The following LAMC1 variants were observed in gnomAD, a reference collection of about 807,000 sequenced individuals.
LAMC1 encodes the protein laminin subunit gamma-1.
LAMC1 carries 38 observed loss-of-function variants against 173.6 expected under a neutral mutation model. The observed-to-expected ratio is 0.22, with a 90% CI of 0.17 to 0.29. LAMC1 has a LOEUF of 0.29. Among genes scored for constraint, LAMC1 ranks in the 10% least tolerant of loss-of-function variants. The probability of loss-of-function intolerance (pLI) is 1.00; values close to 1 mark genes in which losing one functional copy is unlikely to be tolerated. For synonymous variants in LAMC1, 746 were observed against 749.1 expected, an observed-to-expected ratio of 1.00 and a Z score of 0.07; for missense variants, 1,824 against 2,051.8, an observed-to-expected ratio of 0.89 and a Z score of 2.14.
intron 11 of LAMC1, 100 bp downstream of exon 11, chr1:183,118,246 G>C (rs998658652): frequency 3.0e-6 from 2 of 673,092 alleles, no homozygotes; most frequent in Non-Finnish European, 5.2e-6. Flanking sequence ...ATATAACACT[G>C]AGAAGTGTAT....
chr1:183,120,985 G>A (rs1656454815), intron 11 of LAMC1, among the ~76,000 whole-genome samples: 1 of 152,094 alleles, frequency 6.6e-6, no homozygotes, highest in Non-Finnish European at 1.5e-5. Context: ...AATGGCTGTA[G>A]ACATAAACTC....
intron 8 of LAMC1, 32 bp downstream of exon 8, chr1:183,116,935 AACT>A: frequency 6.3e-7 from 1 of 1,581,744 alleles, no homozygotes; most frequent in Admixed American, 1.8e-5. Context: ...AACCTGTTAG[AACT>A]GTGAGATTAC....
intron 1 of LAMC1, among the ~76,000 whole-genome samples, chr1:183,090,255 G>A (rs1655532279): frequency 6.6e-6 from 1 of 152,024 alleles, no homozygotes; most frequent in Non-Finnish European, 1.5e-5. Context: ...AAAAGCAGAT[G>A]CATCTAGGAT....
chr1:183,041,249 T>C (rs1246468458), intron 1 of LAMC1, among the ~76,000 whole-genome samples: 1 of 152,222 alleles, frequency 6.6e-6, no homozygotes, highest in African/African-American at 2.4e-5. Context: ...GTGCATCTTA[T>C]TCCCCTGCCT....
At chr1:183,090,531 A>C (rs1206620969) in intron 1 of LAMC1, among the ~76,000 whole-genome samples, 1 of 152,242 alleles carries the variant, frequency 6.6e-6, no homozygotes, top group Non-Finnish European at 1.5e-5. Flanking sequence ...TCACTTGTAG[A>C]GAGAGTGCCA....
In LAMC1 at chr1:183,117,593, G is replaced by A. The variant is rs372650409; in HGVS notation, c.1747G>A (p.Val583Met). ...TCAGAACCTCTCCTTCTCCTTTCGA[G>A]TGGACAGGCGAGATACTCGCCTCTC... ...YGQNLSFSFR[V>M]DRRDTRLSAE... The change falls in exon 10 of 28, where the codon GTG becomes ATG. Residue 583 changes from valine to methionine, a missense_variant. By Grantham distance (21) the Val-to-Met change is conservative. Coordinates refer to ENST00000258341, the MANE Select transcript of LAMC1 (RefSeq NM_002293.4). 1.2e-6 allele frequency: 2 copies of A among 1,614,072 alleles called. No individual in the cohort carries two copies. Among genetic ancestry groups the A allele is most frequent in the African/African-American group, 2.7e-5 (2 of 74,928 alleles).
chr1:183,139,892 A>C (rs894602454), intron 26 of LAMC1, among the ~76,000 whole-genome samples: 1 of 152,126 alleles, frequency 6.6e-6, no homozygotes, highest in East Asian at 1.9e-4. Flanking sequence ...GGGTCATTGC[A>C]TGTGGAGGGG....
chr1:183,136,718 G>T (rs1358461650), intron 25 of LAMC1, 133 bp downstream of exon 25: 5 of 696,270 alleles, frequency 7.2e-6, no homozygotes, highest in East Asian at 2.9e-5. Context: ...AACCATATTT[G>T]TCTTTTTTTT....
intron 1 of LAMC1, among the ~76,000 whole-genome samples, chr1:183,026,360 G>A (rs1239534005): frequency 1.3e-5 from 2 of 152,146 alleles, no homozygotes; most frequent in East Asian, 3.8e-4. Flanking sequence ...AGGTGGGAAG[G>A]GGGAAAGGTT....
chr1:183,130,556 G>A lies in LAMC1; in HGVS notation c.3486+7G>A. 3 of 1,613,186 alleles carry A rather than the reference G, an allele frequency of 1.9e-6. No individual in the cohort carries two copies. The highest frequency in any genetic ancestry group is 2.5e-6 in the Non-Finnish European group (3 of 1,179,136). On this transcript the variant is annotated splice_region_variant and intron_variant, in intron 19 of 27. Transcript: ENST00000258341. ...AGTCGCTGCTGCCAATGTGGTAAGT[G>A]ATTGCAAACGTCTGAGGTGGGGATG...
At chr1:183,116,992 C>A in intron 8 of LAMC1, 89 bp downstream of exon 8, 1 of 1,304,184 alleles carries the variant, frequency 7.7e-7, no homozygotes, top group Non-Finnish European at 1.1e-6. Context: ...TCTTTGAGGG[C>A]TTTTTGATGG....
chr1:183,028,420 C>G (rs1442278372), intron 1 of LAMC1, among the ~76,000 whole-genome samples: 2 of 152,172 alleles, frequency 1.3e-5, no homozygotes, highest in Non-Finnish European at 2.9e-5. Flanking sequence ...TAGGAATTTA[C>G]ACACTCATAA....
chr1:183,093,815 A>G (rs976627691), intron 1 of LAMC1, among the ~76,000 whole-genome samples: 5 of 152,152 alleles, frequency 3.3e-5, no homozygotes, highest in Non-Finnish European at 7.4e-5. Context: ...CATCCAGTTC[A>G]TCAGTAAAAG....
chr1:183,057,415 ACT>A (rs938114127), intron 1 of LAMC1, among the ~76,000 whole-genome samples: 2 of 152,038 alleles, frequency 1.3e-5, no homozygotes, highest in African/African-American at 4.8e-5. Context: ...AGGTTGCCTG[ACT>A]CTCTGAAAAC....
chr1:183,097,436 T>G (rs987038781), intron 1 of LAMC1, among the ~76,000 whole-genome samples: 1 of 152,240 alleles, frequency 6.6e-6, no homozygotes, highest in African/African-American at 2.4e-5. Context: ...GTTTTCTTTT[T>G]CTAATTCAAG....
intron 1 of LAMC1, among the ~76,000 whole-genome samples, chr1:183,077,772 T>TTGTGTGTGTGTG (rs796592939): frequency 2.6e-5 from 2 of 78,388 alleles, no homozygotes; most frequent in Admixed American, 1.5e-4. Context: ...TTTATGGCCA[T>TTGTGTGTGTGTG]TGTGTATATA....
At position 183,137,693 on chromosome 1, in the gene LAMC1, G is replaced by A. The variant is rs776653628; in HGVS notation, c.4339G>A (p.Ala1447Thr). The change falls in exon 26 of 28, where the codon GCT becomes ACT. Residue 1447 changes from alanine to threonine, a missense_variant. Physicochemically the swap from Ala to Thr is moderately conservative, Grantham distance 58. Transcript: ENST00000258341. ...GAATGCCACCAGCACCAAGGCAGAA[G>A]CTGAAAGAACTTTTGCAGAAGTTAC... is the stretch of plus-strand genomic sequence containing the variant. Reference protein sequence around the residue: ...QKNATSTKAEAERTFAEVTDL... With the variant: ...QKNATSTKAETERTFAEVTDL... The A allele has an allele frequency of 1.9e-6, 3 of 1,597,730 alleles. No homozygotes were observed. The highest frequency in any genetic ancestry group is 2.6e-6 in the Non-Finnish European group (3 of 1,172,356).
intron 11 of LAMC1, among the ~76,000 whole-genome samples, chr1:183,119,522 A>C (rs1439159754): frequency 2.6e-5 from 4 of 152,156 alleles, no homozygotes; most frequent in African/African-American, 9.7e-5. Context: ...GAAACAGTTA[A>C]GTCCATGCTC....
chr1:183,102,935 C>T (rs369179498), intron 1 of LAMC1, among the ~76,000 whole-genome samples: 4 of 152,108 alleles, frequency 2.6e-5, no homozygotes, highest in African/African-American at 9.7e-5. Flanking sequence ...CCTGGAGACC[C>T]ATTTAGAAAG....
Sources: allele counts gnomAD v4.1 joint callset (sites outside exome capture counted in the v4.1 genomes callset), GRCh38; gene constraint gnomAD v4.1.1; transcripts MANE v1.5; gene names NCBI Gene and HGNC (gene_info 2026-07-23, HGNC 2026-07-21).